Variants in RBFOX1 observed in about 807,000 individuals in gnomAD.
RBFOX1 encodes RNA binding fox-1 homolog 1, also known as RNA binding protein fox-1 homolog 1.
RBFOX1 carries 8 observed loss-of-function variants against 57.7 expected under a neutral mutation model. The observed-to-expected ratio is 0.14, with a 90% CI of 0.08 to 0.25. The LOEUF (loss-of-function observed/expected upper bound fraction) is 0.25, where lower values mean the gene tolerates loss of function less well. Ranked by LOEUF, RBFOX1 falls within the 10% of genes least tolerant of loss-of-function variation. The probability of loss-of-function intolerance (pLI) is 1.00; values close to 1 mark genes in which losing one functional copy is unlikely to be tolerated. For synonymous variants in RBFOX1, 326 were observed against 222.4 expected, an observed-to-expected ratio of 1.47 and a Z score of -4.15; for missense variants, 611 against 548.5, an observed-to-expected ratio of 1.11 and a Z score of -1.14.
intron 2 of RBFOX1, among the ~76,000 whole-genome samples, chr16:6,485,299 A>G (rs1458476186): frequency 6.6e-6 from 1 of 152,178 alleles, no homozygotes; most frequent in Admixed American, 6.5e-5. Context: ...TGTTAATCTG[A>G]GGAATGAGGT....
chr16:7,710,033 G>T lies in RBFOX1; in HGVS notation c.1072-590G>T, dbSNP rs187264618. The stretch of plus-strand genomic sequence containing the variant: ...CCTTGTAGCCATTAAAACCATGGCC[G>T]GACAGTTCACTGAAGCTCAGTCATA... On this transcript the variant is annotated intron_variant, in intron 15 of 15. Transcript: ENST00000550418. 14 of 1,005,584 alleles carry T rather than the reference G, an allele frequency of 1.4e-5. No homozygotes were observed. The South Asian group carries it at 3.9e-4, about 28-fold the overall frequency. The allele number at this position is 1,005,584 out of a possible 1,614,324, so 62.3% of individuals were successfully genotyped here.
At chr16:5,298,302 T>C (rs2063717137) in intron 1 of RBFOX1, among the ~76,000 whole-genome samples, 1 of 152,118 alleles carries the variant, frequency 6.6e-6, no homozygotes, top group Non-Finnish European at 1.5e-5. Flanking sequence ...TAGTGAGAGG[T>C]GTAACAAGAG....
At chr16:7,665,879 T>C (rs1234011936) in intron 13 of RBFOX1, among the ~76,000 whole-genome samples, 2 of 152,216 alleles carry the variant, frequency 1.3e-5, no homozygotes, top group South Asian at 2.1e-4. Context: ...GCACTGATTA[T>C]TGTATTCCTT....
At chr16:6,023,732 G>T (rs922201721) in intron 1 of RBFOX1, among the ~76,000 whole-genome samples, 6 of 152,124 alleles carry the variant, frequency 3.9e-5, no homozygotes, top group African/African-American at 1.4e-4. Context: ...ATTAATACTG[G>T]CTGACTTTCC....
chr16:6,635,933 G>A (rs11644473), intron 2 of RBFOX1, among the ~76,000 whole-genome samples: 84,123 of 151,976 alleles, frequency 0.55, 24,911 homozygotes, highest in South Asian at 0.79. Flanking sequence ...CATACATAAT[G>A]AGGTATCTTG....
At chr16:7,343,481 G>A (rs2096936190) in intron 4 of RBFOX1, among the ~76,000 whole-genome samples, 1 of 152,208 alleles carries the variant, frequency 6.6e-6, no homozygotes. Context: ...GGTTTAAAAG[G>A]GCTAGAGGAG....
chr16:5,409,983 G>C lies in RBFOX1; in HGVS notation c.220-57233G>C, dbSNP rs1032358177. ...GAATCATTTGATCCCGGGAGGCAGA[G>C]GTTGCAGTGAGCTGAGATCACGCCA... On this transcript the variant is annotated intron_variant, in intron 1 of 2. Coordinates refer to the RBFOX1 transcript ENST00000585867. 1.5e-4 allele frequency among the ~76,000 whole-genome samples: 23 copies of C among 151,806 alleles called. 1 individual carries two copies. Among genetic ancestry groups the C allele is most frequent in the African/African-American group, 5.6e-4 (23 of 41,348 alleles).
intron 1 of RBFOX1, among the ~76,000 whole-genome samples, chr16:6,234,936 G>T (rs916556421): frequency 6.6e-6 from 1 of 152,110 alleles, no homozygotes; most frequent in Non-Finnish European, 1.5e-5. Flanking sequence ...GTTTCCATTG[G>T]GGGAAACTGG....
chr16:5,692,182 T>C (rs1206829431), intron 3 of RBFOX1, among the ~76,000 whole-genome samples: 4 of 134,330 alleles, frequency 3.0e-5, no homozygotes, highest in African/African-American at 1.1e-4. Context: ...TGTGTGTGTG[T>C]GTGTGTGTGT....
Position 6,378,234 on chromosome 16 carries a change from C to T in RBFOX1, c.-64+61177C>T, listed in dbSNP as rs143456093. Among the ~76,000 whole-genome samples the T allele has an allele frequency of 9.2e-5, 14 of 152,314 alleles. No homozygotes were observed. In the East Asian group the frequency reaches 2.3e-3, roughly 25 times the overall value. ...CCTGCAGCCTTTGAGCTCCATCTGC[C>T]GCACACTCGGGCACAGCTGCCAGTG... On this transcript the variant is annotated intron_variant, in intron 2 of 15. Coordinates refer to ENST00000550418, the MANE Select transcript of RBFOX1 (RefSeq NM_018723.4).
chr16:5,884,071 A>C (rs996162206), intron 4 of RBFOX1, among the ~76,000 whole-genome samples: 4 of 152,214 alleles, frequency 2.6e-5, no homozygotes, highest in African/African-American at 9.6e-5. Flanking sequence ...AAAGATGGGG[A>C]TAATCACTGT....
In RBFOX1 at chr16:6,721,269, C is replaced by A. The variant is rs147952923; in HGVS notation, c.-16+66619C>A. Among the ~76,000 whole-genome samples the A allele has an allele frequency of 7.3e-3, 1,110 of 152,202 alleles. 12 individuals carry two copies. The highest frequency in any genetic ancestry group is 0.024 in the Middle Eastern group (7 of 294). On this transcript the variant is annotated intron_variant, in intron 3 of 15. Coordinates refer to ENST00000550418, the MANE Select transcript of RBFOX1 (RefSeq NM_018723.4). ...ACCAGTCTGGCCAACATGGTAAAACCCTGTCTGTACTAAAACTACAAAAAT... is the reference window on the plus strand; with the variant it reads ...ACCAGTCTGGCCAACATGGTAAAACACTGTCTGTACTAAAACTACAAAAAT...
At chr16:5,485,784 C>T (rs955584722) in intron 2 of RBFOX1, among the ~76,000 whole-genome samples, 11 of 152,172 alleles carry the variant, frequency 7.2e-5, no homozygotes. Flanking sequence ...GAGTGTGCCC[C>T]CTGTCTGGGA....
chr16:5,810,939 T>C (rs113696557), intron 3 of RBFOX1, among the ~76,000 whole-genome samples: 1 of 152,172 alleles, frequency 6.6e-6, no homozygotes, highest in South Asian at 2.1e-4. Flanking sequence ...TATTGAGCTT[T>C]GCATATACTT....
At chr16:7,670,631 G>C (rs1409827697) in intron 13 of RBFOX1, among the ~76,000 whole-genome samples, 1 of 152,174 alleles carries the variant, frequency 6.6e-6, no homozygotes, top group Non-Finnish European at 1.5e-5. Context: ...GAACAAGAAT[G>C]TTATCAGGCA....
intron 4 of RBFOX1, among the ~76,000 whole-genome samples, chr16:7,186,321 T>C (rs1279757360): frequency 4.0e-5 from 3 of 75,428 alleles, no homozygotes; most frequent in Non-Finnish European, 6.8e-5. Flanking sequence ...TATATAAATA[T>C]AAACATAAAC....
At chr16:5,811,017 T>C (rs996152297) in intron 3 of RBFOX1, among the ~76,000 whole-genome samples, 1 of 152,168 alleles carries the variant, frequency 6.6e-6, no homozygotes, top group African/African-American at 2.4e-5. Flanking sequence ...TTGTGTACCT[T>C]TGCAGTCCCT....
intron 2 of RBFOX1, among the ~76,000 whole-genome samples, chr16:6,404,758 G>A: frequency 6.6e-6 from 1 of 152,046 alleles, no homozygotes; most frequent in African/African-American, 2.4e-5. Flanking sequence ...TCCCTTATGA[G>A]AACTTCACAT....
intron 4 of RBFOX1, among the ~76,000 whole-genome samples, chr16:7,144,615 C>T (rs1332630169): frequency 3.3e-5 from 5 of 151,836 alleles, no homozygotes; most frequent in African/African-American, 1.2e-4. Context: ...AAGTTCAAGT[C>T]TGAACATTTA....
Sources: allele counts gnomAD v4.1 joint callset (sites outside exome capture counted in the v4.1 genomes callset), GRCh38; gene constraint gnomAD v4.1.1; transcripts MANE v1.5; gene names NCBI Gene and HGNC (gene_info 2026-07-23, HGNC 2026-07-21).